Variants in CTNND2 observed in about 807,000 individuals in gnomAD.
The protein encoded by CTNND2 is catenin delta-2.
CTNND2 carries 22 observed loss-of-function variants against 144.4 expected under a neutral mutation model. The observed-to-expected ratio is 0.15, with a 90% CI of 0.11 to 0.22. The LOEUF (loss-of-function observed/expected upper bound fraction) is 0.22. CTNND2 is among the 10% of genes least tolerant of loss of function. The pLI is 1.00. For synonymous variants in CTNND2, 751 were observed against 695.6 expected (o/e 1.08, Z -1.25); for missense variants, 1,353 against 1,618.8 (o/e 0.84, Z 2.82).
intron 2 of CTNND2, among the ~76,000 whole-genome samples, chr5:11,718,069 G>GTGTGAAAT: frequency 6.6e-6 from 1 of 152,154 alleles, no homozygotes; most frequent in East Asian, 1.9e-4. Flanking sequence ...CAGTGGTTAA[G>GTGTGAAAT]TGTGAAATTT....
intron 2 of CTNND2, among the ~76,000 whole-genome samples, chr5:11,612,094 G>A (rs1780361475): frequency 1.3e-5 from 2 of 152,054 alleles, no homozygotes; most frequent in South Asian, 2.1e-4. Flanking sequence ...ACAAAAGTTC[G>A]AGAATATAGC....
At chr5:11,650,038 T>G (rs1245938736) in intron 2 of CTNND2, among the ~76,000 whole-genome samples, 1 of 152,184 alleles carries the variant, frequency 6.6e-6, no homozygotes, top group Non-Finnish European at 1.5e-5. Context: ...ATGACTTTAG[T>G]CAGTGATATG....
chr5:11,594,527 CTTTT>C (rs1779412698), intron 2 of CTNND2, among the ~76,000 whole-genome samples: 1 of 152,084 alleles, frequency 6.6e-6, no homozygotes, highest in Non-Finnish European at 1.5e-5. Flanking sequence ...TGCCAATTTC[CTTTT>C]TAAAGAAAAT....
chr5:11,321,293 T>C (rs982541892), intron 9 of CTNND2, among the ~76,000 whole-genome samples: 5 of 152,248 alleles, frequency 3.3e-5, no homozygotes, highest in Admixed American at 2.0e-4. Flanking sequence ...GATATTGTGT[T>C]GATAATAAGA....
chr5:11,142,587 G>T (rs1427756126), intron 12 of CTNND2, among the ~76,000 whole-genome samples: 1 of 150,666 alleles, frequency 6.6e-6, no homozygotes, highest in Non-Finnish European at 1.5e-5. Flanking sequence ...ACTGGAAAAG[G>T]TTTGGTGTCA....
intron 2 of CTNND2, among the ~76,000 whole-genome samples, chr5:11,689,754 A>AG (rs1163749933): frequency 6.6e-6 from 1 of 152,136 alleles, no homozygotes; most frequent in Non-Finnish European, 1.5e-5. Context: ...ATAAAAAAAA[A>AG]GGGATCAATT....
intron 16 of CTNND2, among the ~76,000 whole-genome samples, chr5:11,040,437 G>A (rs1036410219): frequency 5.3e-5 from 8 of 152,304 alleles, no homozygotes; most frequent in Admixed American, 3.9e-4. Context: ...TCTTTCAAGA[G>A]TTGTTATACT....
intron 12 of CTNND2, among the ~76,000 whole-genome samples, chr5:11,147,672 A>G (rs79989660): frequency 0.54 from 81,200 of 151,048 alleles, 22,161 homozygotes; most frequent in Admixed American, 0.59. Context: ...AAAAAAAAAA[A>G]AAAACTTTTT....
At chr5:11,552,581 G>A (rs550204290) in intron 3 of CTNND2, among the ~76,000 whole-genome samples, 1 of 152,326 alleles carries the variant, frequency 6.6e-6, no homozygotes, top group South Asian at 2.1e-4. Context: ...CTAATTTACA[G>A]GTGAGCGAAA....
intron 1 of CTNND2, among the ~76,000 whole-genome samples, chr5:11,767,861 T>A (rs1789687039): frequency 6.6e-6 from 1 of 152,160 alleles, no homozygotes; most frequent in Admixed American, 6.5e-5. Flanking sequence ...ATTATTTGGA[T>A]AATATCTGTC....
chr5:11,309,627 T>C (rs1010460193), intron 9 of CTNND2, among the ~76,000 whole-genome samples: 3 of 152,178 alleles, frequency 2.0e-5, no homozygotes, highest in African/African-American at 4.8e-5. Flanking sequence ...CTGAGGACTT[T>C]TGCGTAAATA....
At chr5:11,056,587 G>C (rs1452664171) in intron 16 of CTNND2, among the ~76,000 whole-genome samples, 2 of 152,146 alleles carry the variant, frequency 1.3e-5, no homozygotes, top group Non-Finnish European at 2.9e-5. Flanking sequence ...CGAGCAGCTG[G>C]GACTACAGGC....
At chr5:11,264,144 T>C (rs1373424863) in intron 9 of CTNND2, among the ~76,000 whole-genome samples, 1 of 152,220 alleles carries the variant, frequency 6.6e-6, no homozygotes, top group Non-Finnish European at 1.5e-5. Flanking sequence ...CTATCTAATA[T>C]ATAGTTTAAA....
intron 10 of CTNND2, among the ~76,000 whole-genome samples, chr5:11,231,047 G>A (rs1289035452): frequency 6.6e-6 from 1 of 152,112 alleles, no homozygotes; most frequent in African/African-American, 2.4e-5. Context: ...TCAGACCATG[G>A]GGGTGGTTTC....
intron 11 of CTNND2, among the ~76,000 whole-genome samples, chr5:11,168,527 C>T (rs148662221): frequency 0.01 from 1,559 of 152,260 alleles, 10 homozygotes; most frequent in Admixed American, 0.022. Context: ...TTGCTTAGAA[C>T]TATAGCCTTC....
chr5:11,744,394 C>G (rs1312001332), intron 1 of CTNND2, among the ~76,000 whole-genome samples: 1 of 152,120 alleles, frequency 6.6e-6, no homozygotes, highest in Non-Finnish European at 1.5e-5. Flanking sequence ...CAGGGCAGAA[C>G]TGACAGATCT....
chr5:11,098,814 T>C, intron 14 of CTNND2, 66 bp from the exon 15 acceptor site: 1 of 1,511,584 alleles, frequency 6.6e-7, no homozygotes, highest in Non-Finnish European at 9.1e-7. Flanking sequence ...TTTGCCTTCC[T>C]CAAACATTAC....
chr5:11,083,077 G>A (rs950368789), intron 15 of CTNND2, among the ~76,000 whole-genome samples: 6 of 152,264 alleles, frequency 3.9e-5, no homozygotes, highest in Middle Eastern at 6.8e-3. Context: ...ACCACATTAG[G>A]TTTCTTTTGT....
At chr5:11,231,581 T>C (rs1741028090) in intron 10 of CTNND2, among the ~76,000 whole-genome samples, 1 of 152,072 alleles carries the variant, frequency 6.6e-6, no homozygotes, top group Non-Finnish European at 1.5e-5. Context: ...GCTTTGAAAC[T>C]GAGAGAGATG....
Sources: allele counts gnomAD v4.1 joint callset (sites outside exome capture counted in the v4.1 genomes callset), GRCh38; gene constraint gnomAD v4.1.1; transcripts MANE v1.5; gene names NCBI Gene and HGNC (gene_info 2026-07-23, HGNC 2026-07-21).